TRIM44: variants seen among roughly 807,000 people sequenced by gnomAD.
TRIM44 encodes tripartite motif containing 44.
In TRIM44, 13 loss-of-function variants were observed where a neutral mutation model predicts 37.4. That is an observed-to-expected ratio of 0.35 (90% confidence interval 0.23 to 0.55). TRIM44 has a LOEUF of 0.55. Among genes scored for constraint, TRIM44 ranks in the 20% least tolerant of loss-of-function variants. TRIM44 has a pLI of 0.89. For synonymous variants in TRIM44, 175 were observed against 157.2 expected (o/e 1.11, Z -0.85); for missense variants, 426 against 437.2 (o/e 0.97, Z 0.23).
intron 4 of TRIM44, among the ~76,000 whole-genome samples, chr11:35,736,717 G>A (rs907161296): frequency 2.0e-5 from 3 of 152,082 alleles, no homozygotes; most frequent in African/African-American, 7.2e-5. Context: ...AAAGCCACAG[G>A]CACCCAACTT....
intron 1 of TRIM44, among the ~76,000 whole-genome samples, chr11:35,681,952 C>CTTTTTTTTTTTT (rs35760830): frequency 9.9e-6 from 1 of 101,366 alleles, no homozygotes; most frequent in Non-Finnish European, 1.9e-5. Context: ...ATGTCCCATA[C>CTTTTTTTTTTTT]TTTTTTTTTT....
At chr11:35,805,628 TA>T (rs1325831536) in intron 4 of TRIM44, among the ~76,000 whole-genome samples, 1 of 152,220 alleles carries the variant, frequency 6.6e-6, no homozygotes, top group Non-Finnish European at 1.5e-5. Context: ...CACTTCCTTT[TA>T]AAAACCAATT....
chr11:35,802,128 A>C (rs999403747), intron 4 of TRIM44, among the ~76,000 whole-genome samples: 1 of 152,190 alleles, frequency 6.6e-6, no homozygotes, highest in Non-Finnish European at 1.5e-5. Context: ...CATCCAGCCA[A>C]ATCAGACTTG....
chr11:35,731,122 G>T (rs1383358616), intron 3 of TRIM44, among the ~76,000 whole-genome samples: 2 of 152,072 alleles, frequency 1.3e-5, no homozygotes, highest in Non-Finnish European at 2.9e-5. Flanking sequence ...ACAACCTCCA[G>T]TGCAATGTCT....
Position 35,692,450 on chromosome 11 carries a change from T to G in TRIM44, c.747+7114T>G, listed in dbSNP as rs779800515. 2.6e-5 allele frequency among the ~76,000 whole-genome samples: 4 copies of G among 152,148 alleles called. 1 individual carries two copies. The highest frequency in any genetic ancestry group is 5.9e-5 in the Non-Finnish European group (4 of 68,040). ...TGTTTGGAACCAGAAGTATTTTGAA[T>G]TTTGGATTTTCAAATATTTGTGTTA... On this transcript the variant is annotated intron_variant, in intron 2 of 4. Transcript: ENST00000299413.
chr11:35,725,066 TCACA>T (rs59413888), intron 2 of TRIM44, among the ~76,000 whole-genome samples: 10,648 of 140,984 alleles, frequency 0.076, 381 homozygotes, highest in Middle Eastern at 0.13. Flanking sequence ...ATGCACACAC[TCACA>T]CACACACACA....
chr11:35,751,256 C>T (rs1297840956), intron 4 of TRIM44, among the ~76,000 whole-genome samples: 1 of 152,210 alleles, frequency 6.6e-6, no homozygotes, highest in Non-Finnish European at 1.5e-5. Flanking sequence ...GTGCCTCTTA[C>T]ATCTAAAAGC....
At chr11:35,670,535 C>T (rs541018975) in intron 1 of TRIM44, among the ~76,000 whole-genome samples, 1 of 152,128 alleles carries the variant, frequency 6.6e-6, no homozygotes. Flanking sequence ...TTCTTCTACG[C>T]TTTGTTTTTT....
At chr11:35,707,458 C>T (rs896250595) in intron 2 of TRIM44, among the ~76,000 whole-genome samples, 11 of 152,168 alleles carry the variant, frequency 7.2e-5, no homozygotes, top group African/African-American at 2.2e-4. Context: ...ATCACCAAGT[C>T]AATTGTAAGC....
intron 2 of TRIM44, among the ~76,000 whole-genome samples, chr11:35,711,982 C>T (rs1723353405): frequency 6.6e-6 from 1 of 152,168 alleles, no homozygotes; most frequent in African/African-American, 2.4e-5. Flanking sequence ...ACACCAATTG[C>T]ATGTTTTAAA....
intron 4 of TRIM44, among the ~76,000 whole-genome samples, chr11:35,803,515 A>G (rs1345164269): frequency 6.6e-6 from 1 of 152,162 alleles, no homozygotes; most frequent in Non-Finnish European, 1.5e-5. Flanking sequence ...CGGAATCACA[A>G]GGTCAGGAGT....
intron 2 of TRIM44, among the ~76,000 whole-genome samples, chr11:35,685,880 T>C (rs560766593): frequency 2.3e-3 from 344 of 152,292 alleles, no homozygotes; most frequent in African/African-American, 7.9e-3. Context: ...GTCAGGCTGG[T>C]CTCGAACTCC....
At chr11:35,693,605 G>C (rs1410028331) in intron 2 of TRIM44, among the ~76,000 whole-genome samples, 1 of 152,014 alleles carries the variant, frequency 6.6e-6, no homozygotes, top group African/African-American at 2.4e-5. Flanking sequence ...TGGTCTGTTG[G>C]GGCCTAGTAC....
intron 4 of TRIM44, among the ~76,000 whole-genome samples, chr11:35,783,740 C>G (rs1365195344): frequency 6.6e-6 from 1 of 152,112 alleles, no homozygotes; most frequent in Non-Finnish European, 1.5e-5. Context: ...GAGCCTAGCC[C>G]CTTCCTGGAA....
intron 1 of TRIM44, among the ~76,000 whole-genome samples, chr11:35,678,678 C>T (rs942084763): frequency 1.3e-5 from 2 of 151,884 alleles, no homozygotes; most frequent in South Asian, 2.1e-4. Context: ...AGTTGATCTC[C>T]GCCCACTGCA....
At chr11:35,724,183 A>T (rs983490136) in intron 2 of TRIM44, 1 of 152,220 alleles carries the variant, frequency 6.6e-6, no homozygotes, top group Non-Finnish European at 1.5e-5. Context: ...TGCGTAAGGT[A>T]TCAAGCTTCT....
chr11:35,785,019 G>A (rs1367179694), intron 4 of TRIM44, among the ~76,000 whole-genome samples: 1 of 152,174 alleles, frequency 6.6e-6, no homozygotes, highest in Non-Finnish European at 1.5e-5. Flanking sequence ...TAACCTTAAA[G>A]AAGGTATTGT....
intron 4 of TRIM44, among the ~76,000 whole-genome samples, chr11:35,746,446 C>CTTTTTTTTTTTTTT (rs5791065): frequency 3.2e-5 from 3 of 93,188 alleles, no homozygotes; most frequent in African/African-American, 1.3e-4. Flanking sequence ...GGGGGTCCTT[C>CTTTTTTTTTTTTTT]TTTTTTTTTT....
chr11:35,809,047 G>GCTAT lies in TRIM44; in HGVS notation c.*2665_*2668dup, dbSNP rs1358428601. 6.6e-6 allele frequency: 1 copy of GCTAT among 152,202 alleles called. No homozygotes were observed. Among genetic ancestry groups the GCTAT allele is most frequent in the African/African-American group, 2.4e-5 (1 of 41,436 alleles). 9.4% of individuals were successfully genotyped at this position (152,202 alleles called of 1,614,324 possible). A position where few individuals can be genotyped will look rare whatever the true frequency, so the allele number is the denominator to read the frequency against. The stretch of plus-strand genomic sequence containing the variant: ...AGTCGGATACTCATAGCAATTTCTG[G>GCTAT]CTATCTTTCAAATGTTGAATTTCTG... On this transcript the variant is annotated 3_prime_UTR_variant, in exon 5 of 5. Coordinates refer to ENST00000299413, the MANE Select transcript of TRIM44 (RefSeq NM_017583.6).
Sources: allele counts gnomAD v4.1 joint callset (sites outside exome capture counted in the v4.1 genomes callset), GRCh38; gene constraint gnomAD v4.1.1; transcripts MANE v1.5; gene names NCBI Gene and HGNC (gene_info 2026-07-23, HGNC 2026-07-21).